The following PI4KA variants were observed in gnomAD, a reference collection of about 807,000 sequenced individuals.
PI4KA encodes PI4-kinase alpha.
A neutral mutation model predicts 271.4 loss-of-function variants in PI4KA; 122 were observed. That is an observed-to-expected ratio of 0.45 (90% CI 0.39 to 0.52). The LOEUF is 0.52. Among genes scored for constraint, PI4KA ranks in the 20% least tolerant of loss-of-function variants. The probability of loss-of-function intolerance (pLI) is 0.00; values close to 1 mark genes in which losing one functional copy is unlikely to be tolerated. For synonymous variants in PI4KA, 1,041 were observed against 1,078.8 expected (o/e 0.96, Z 0.69); for missense variants, 1,969 against 2,769.1 (o/e 0.71, Z 6.48).
At chr22:20,820,349 T>C (rs1922480546) in intron 5 of PI4KA, among the ~76,000 whole-genome samples, 190 bp downstream of exon 5, 2 of 152,160 alleles carry the variant, frequency 1.3e-5, no homozygotes, top group Non-Finnish European at 2.9e-5. Flanking sequence ...ACCCAGCGTC[T>C]ATGTAGCAGA....
At chr22:20,775,206 G>A (rs1933172980) in intron 19 of PI4KA, among the ~76,000 whole-genome samples, 1 of 151,350 alleles carries the variant, frequency 6.6e-6, no homozygotes, top group Non-Finnish European at 1.5e-5. Flanking sequence ...AAAAAAAAAA[G>A]CAAAACAAAC....
chr22:20,722,915 T>A (rs1416514032), intron 42 of PI4KA, among the ~76,000 whole-genome samples: 1 of 152,224 alleles, frequency 6.6e-6, no homozygotes, highest in African/African-American at 2.4e-5. Context: ...GTTTGCTTTT[T>A]AATTATGTAA....
In PI4KA at chr22:20,733,834, G is replaced by C; in HGVS notation, c.4062C>G (p.Thr1354=). Residue 1354 remains threonine (T), a synonymous_variant, in exon 35 of 55, where the codon ACC becomes ACG. Coordinates refer to ENST00000255882, the MANE Select transcript of PI4KA (RefSeq NM_058004.4). ...CGGCATGCAGGAGGGACAGCCCCAG[G>C]GTCAGCAGCCTGTGAGGGAGCCCCG... ...AAIGPRFKLL[T]LGLSLLHADV... is the part of the protein sequence containing the mutation. 6.2e-7 allele frequency: 1 copy of C among 1,612,152 alleles called. No individual in the cohort carries two copies. The highest frequency in any genetic ancestry group is 2.2e-5 in the East Asian group (1 of 44,886).
intron 1 of PI4KA, among the ~76,000 whole-genome samples, chr22:20,856,722 C>T (rs1048890348): frequency 1.3e-5 from 2 of 152,124 alleles, no homozygotes; most frequent in African/African-American, 2.4e-5. Context: ...CATGAGCCAC[C>T]GTGCCCCATC....
At chr22:20,827,510 T>C (rs1487018772) in intron 3 of PI4KA, among the ~76,000 whole-genome samples, 1 of 152,234 alleles carries the variant, frequency 6.6e-6, no homozygotes, top group Non-Finnish European at 1.5e-5. Flanking sequence ...TTACTCTTTT[T>C]CAGACTACCT....
chr22:20,800,829 G>A (rs1224037608), intron 14 of PI4KA, among the ~76,000 whole-genome samples: 10 of 148,588 alleles, frequency 6.7e-5, no homozygotes, highest in African/African-American at 1.7e-4. Flanking sequence ...AGCTGAGATC[G>A]CGCCACTGCA....
intron 27 of PI4KA, among the ~76,000 whole-genome samples, chr22:20,750,631 G>A (rs1930575259): frequency 6.6e-6 from 1 of 152,252 alleles, no homozygotes; most frequent in African/African-American, 2.4e-5. Context: ...GTCTGGGACT[G>A]GATGGAAGGG....
chr22:20,843,878 C>A (rs1925913779), intron 1 of PI4KA, among the ~76,000 whole-genome samples: 1 of 152,132 alleles, frequency 6.6e-6, no homozygotes, highest in Admixed American at 6.5e-5. Context: ...CACTCCCAGC[C>A]CCAAAACTTC....
intron 3 of PI4KA, among the ~76,000 whole-genome samples, chr22:20,833,794 G>C (rs895751185): frequency 6.6e-6 from 1 of 151,826 alleles, no homozygotes; most frequent in Non-Finnish European, 1.5e-5. Flanking sequence ...CGAGTAGCTG[G>C]GACTACAGGC....
At chr22:20,807,744 G>A (rs1333860590) in intron 9 of PI4KA, among the ~76,000 whole-genome samples, 1 of 152,056 alleles carries the variant, frequency 6.6e-6, no homozygotes, top group Non-Finnish European at 1.5e-5. Context: ...CACCATCTTT[G>A]GCCATCATTG....
chr22:20,800,859 G>T (rs1170207069), intron 14 of PI4KA, among the ~76,000 whole-genome samples: 1 of 142,544 alleles, frequency 7.0e-6, no homozygotes, highest in Non-Finnish European at 1.5e-5. Flanking sequence ...GGGCGACAAA[G>T]CAAGACTCTG....
intron 45 of PI4KA, among the ~76,000 whole-genome samples, chr22:20,717,485 G>A (rs1210605586): frequency 2.0e-5 from 3 of 152,286 alleles, no homozygotes; most frequent in Admixed American, 6.5e-5. Context: ...CAGCAAGGAA[G>A]ATGAAGGGCA....
At chr22:20,836,563 TC>T (rs1414360782) in intron 2 of PI4KA, among the ~76,000 whole-genome samples, 1 of 152,156 alleles carries the variant, frequency 6.6e-6, no homozygotes, top group East Asian at 1.9e-4. Context: ...TAAAACCACC[TC>T]AGCTCCTCTG....
intron 42 of PI4KA, among the ~76,000 whole-genome samples, chr22:20,723,027 T>A (rs1926923599): frequency 1.3e-5 from 2 of 152,116 alleles, no homozygotes; most frequent in South Asian, 2.1e-4. Flanking sequence ...ACTTTTGATT[T>A]ACTGTTCCTT....
chr22:20,810,929 A>G, intron 9 of PI4KA, 38 bp downstream of exon 9: 2 of 1,475,870 alleles, frequency 1.4e-6, no homozygotes, highest in East Asian at 2.3e-5. Flanking sequence ...CGTTTAAGTC[A>G]GGCTGATCTC....
At chr22:20,718,858 C>T (rs1568950905) in intron 43 of PI4KA, 36 bp from the exon 44 acceptor site, 34 of 1,609,152 alleles carry the variant, frequency 2.1e-5, no homozygotes, top group African/African-American at 2.7e-5. Context: ...GTCTCTGTGG[C>T]TGTGGCAGAG....
In PI4KA at chr22:20,742,563, C is replaced by G. The variant is rs551640583; in HGVS notation, c.3613+45G>C. Reference sequence around the variant, plus strand: ...GCTATGGGTCATCAAGGCCAGCATTCATTTAGAAACGAGCCCAGAATTCCA... The same window carrying G: ...GCTATGGGTCATCAAGGCCAGCATTGATTTAGAAACGAGCCCAGAATTCCA... On this transcript the variant is annotated intron_variant, in intron 31 of 54. Coordinates refer to ENST00000255882, the MANE Select transcript of PI4KA (RefSeq NM_058004.4). 231 of 1,607,680 alleles carry G rather than the reference C, an allele frequency of 1.4e-4. 5 individuals carry two copies. The South Asian group carries it at 2.3e-3, about 16-fold the overall frequency.
intron 32 of PI4KA, among the ~76,000 whole-genome samples, chr22:20,741,778 C>A (rs1354452893): frequency 6.6e-6 from 1 of 152,156 alleles, no homozygotes; most frequent in African/African-American, 2.4e-5. Context: ...TGTTCTTAAG[C>A]GTTTATCTAA....
intron 36 of PI4KA, among the ~76,000 whole-genome samples, chr22:20,731,264 G>A (rs1050846066): frequency 3.3e-5 from 5 of 152,212 alleles, no homozygotes; most frequent in African/African-American, 9.6e-5. Flanking sequence ...CACCGGCAAC[G>A]TATAGTCCTT....
Sources: allele counts gnomAD v4.1 joint callset (sites outside exome capture counted in the v4.1 genomes callset), GRCh38; gene constraint gnomAD v4.1.1; transcripts MANE v1.5; gene names NCBI Gene and HGNC (gene_info 2026-07-23, HGNC 2026-07-21).